KIAA1217: variants seen among roughly 807,000 people sequenced by gnomAD.
KIAA1217 encodes KIAA1217.
Under a neutral mutation model 163.9 loss-of-function variants are expected in KIAA1217, and 88 were observed. The observed-to-expected ratio is 0.54, with a 90% CI of 0.45 to 0.64. The LOEUF (loss-of-function observed/expected upper bound fraction) is 0.64. Ranked by LOEUF, KIAA1217 falls within the 30% of genes least tolerant of loss-of-function variation. The probability of loss-of-function intolerance (pLI) is 0.00; values close to 1 mark genes in which losing one functional copy is unlikely to be tolerated. For missense variants in KIAA1217, 2,372 were observed against 2,475.0 expected, an observed-to-expected ratio of 0.96 and a Z score of 0.88; for synonymous variants, 903 against 923.1, an observed-to-expected ratio of 0.98 and a Z score of 0.39.
chr10:23,836,706 C>T (rs962607784), intron 1 of KIAA1217, among the ~76,000 whole-genome samples: 1 of 151,722 alleles, frequency 6.6e-6, no homozygotes, highest in Non-Finnish European at 1.5e-5. Context: ...GGGAGGATTG[C>T]TGGAACACAG....
In KIAA1217 at chr10:24,519,500, C is replaced by G. The variant is rs531248980; in HGVS notation, c.2178-623C>G. Among the ~76,000 whole-genome samples the G allele has an allele frequency of 2.0e-4, 30 of 152,242 alleles. No individual in the cohort carries two copies. The East Asian group carries it at 5.6e-3, about 28-fold the overall frequency. The stretch of plus-strand genomic sequence containing the variant: ...CTCATTTAGGGGCAATTTTGCTCCC[C>G]CTTCCCCAGGGACATTGGACAATGT... On this transcript the variant is annotated intron_variant, in intron 10 of 20. Transcript: ENST00000376454.
intron 1 of KIAA1217, among the ~76,000 whole-genome samples, chr10:23,790,204 TACAC>T: frequency 2.6e-4 from 2 of 7,840 alleles, no homozygotes; most frequent in African/African-American, 6.0e-4. Context: ...CATATGCATA[TACAC>T]ATATACACAT....
At chr10:24,276,264 A>G (rs2077272570) in intron 2 of KIAA1217, among the ~76,000 whole-genome samples, 1 of 152,222 alleles carries the variant, frequency 6.6e-6, no homozygotes, top group Non-Finnish European at 1.5e-5. Flanking sequence ...GAACGCAGAA[A>G]CACAAAGGGA....
At chr10:24,241,778 A>C (rs1194119285) in intron 2 of KIAA1217, among the ~76,000 whole-genome samples, 1 of 152,230 alleles carries the variant, frequency 6.6e-6, no homozygotes, top group East Asian at 1.9e-4. Flanking sequence ...ATTTTTAGCC[A>C]CAGTGTTTCT....
chr10:24,462,628 T>C (rs1408310006), intron 5 of KIAA1217, among the ~76,000 whole-genome samples: 1 of 152,176 alleles, frequency 6.6e-6, no homozygotes, highest in Non-Finnish European at 1.5e-5. Flanking sequence ...AAGACACCTG[T>C]TCTATGTCTT....
chr10:24,152,118 A>G (rs2131860944), intron 2 of KIAA1217, among the ~76,000 whole-genome samples: 1 of 152,146 alleles, frequency 6.6e-6, no homozygotes, highest in East Asian at 1.9e-4. Flanking sequence ...CACTATCTTA[A>G]GAATGCTTTG....
chr10:24,191,288 T>C (rs2066707202), intron 2 of KIAA1217, among the ~76,000 whole-genome samples: 1 of 152,194 alleles, frequency 6.6e-6, no homozygotes, highest in African/African-American at 2.4e-5. Context: ...TTCCTGACTA[T>C]TAATCTGGTC....
chr10:24,172,478 G>A (rs1435621123), intron 2 of KIAA1217, among the ~76,000 whole-genome samples: 5 of 152,168 alleles, frequency 3.3e-5, no homozygotes, highest in African/African-American at 1.2e-4. Context: ...TGACCGCAGT[G>A]CATCCTAGCT....
At chr10:23,892,878 C>T (rs970532790) in intron 1 of KIAA1217, among the ~76,000 whole-genome samples, 2 of 151,792 alleles carry the variant, frequency 1.3e-5, no homozygotes, top group Admixed American at 6.6e-5. Flanking sequence ...AAATGGGGTC[C>T]CCATTCTTCC....
chr10:23,896,013 G>T (rs1356788780), intron 1 of KIAA1217, among the ~76,000 whole-genome samples: 1 of 116,324 alleles, frequency 8.6e-6, no homozygotes, highest in Non-Finnish European at 1.7e-5. Flanking sequence ...GAGGGGGGAG[G>T]GATAGCTTTA....
At chr10:23,875,621 T>A (rs1840652871) in intron 1 of KIAA1217, among the ~76,000 whole-genome samples, 1 of 152,042 alleles carries the variant, frequency 6.6e-6, no homozygotes, top group Non-Finnish European at 1.5e-5. Flanking sequence ...TGATTATAAA[T>A]CATTCTACTA....
At chr10:24,148,561 A>G (rs2064449856) in intron 2 of KIAA1217, among the ~76,000 whole-genome samples, 1 of 152,038 alleles carries the variant, frequency 6.6e-6, no homozygotes, top group Non-Finnish European at 1.5e-5. Flanking sequence ...TTCCCGCAAG[A>G]GTTGGTTGTT....
chr10:23,908,051 A>G (rs1046486625), intron 1 of KIAA1217, among the ~76,000 whole-genome samples: 2 of 152,136 alleles, frequency 1.3e-5, no homozygotes, highest in African/African-American at 4.8e-5. Context: ...TGCATTTGCA[A>G]TGTGAGCAAA....
chr10:24,303,658 AACTC>A (rs1303841910), intron 2 of KIAA1217, among the ~76,000 whole-genome samples: 5 of 152,274 alleles, frequency 3.3e-5, no homozygotes, highest in Non-Finnish European at 1.5e-5. Flanking sequence ...TTGAGGAACA[AACTC>A]AAGTTGGGTT....
intron 5 of KIAA1217, among the ~76,000 whole-genome samples, chr10:24,468,426 G>A (rs934005117): frequency 3.3e-5 from 5 of 152,170 alleles, no homozygotes; most frequent in African/African-American, 7.2e-5. Flanking sequence ...GTCTTAGAAA[G>A]TCAGTCACAG....
chr10:23,923,830 A>G (rs907906544), intron 1 of KIAA1217, among the ~76,000 whole-genome samples: 5 of 152,160 alleles, frequency 3.3e-5, no homozygotes, highest in African/African-American at 1.2e-4. Context: ...AAATTTGAGT[A>G]TATTTAATTT....
At chr10:23,882,205 T>C (rs886696603) in intron 1 of KIAA1217, among the ~76,000 whole-genome samples, 11 of 151,994 alleles carry the variant, frequency 7.2e-5, no homozygotes, top group African/African-American at 2.7e-4. Flanking sequence ...TATTCTCATA[T>C]ATACCTCATT....
chr10:23,926,442 A>G (rs763731403), intron 1 of KIAA1217, among the ~76,000 whole-genome samples: 14 of 152,192 alleles, frequency 9.2e-5, no homozygotes, highest in Non-Finnish European at 1.9e-4. Context: ...TTTCAAAGGT[A>G]GGCCCGGAGC....
rs77425003 is a variant in KIAA1217 at position 24,102,008 on chromosome 10, C to T, written c.-171+94634C>T. ...TGTGACTATACCAAAAGCCACTAAA[C>T]TGTACATTTTTAGAGGCTCAGCTTT... On this transcript the variant is annotated intron_variant, in intron 2 of 18. Transcript: ENST00000376462. Among the ~76,000 whole-genome samples, 647 of 152,234 alleles carry T rather than the reference C, an allele frequency of 4.3e-3. 3 individuals are homozygous for T. The highest frequency in any genetic ancestry group is 0.032 in the East Asian group (164 of 5,172).
Sources: allele counts gnomAD v4.1 joint callset (sites outside exome capture counted in the v4.1 genomes callset), GRCh38; gene constraint gnomAD v4.1.1; transcripts MANE v1.5; gene names NCBI Gene and HGNC (gene_info 2026-07-23, HGNC 2026-07-21).